CHD8: variants seen among roughly 807,000 people sequenced by gnomAD.
CHD8 encodes chromodomain helicase DNA binding protein 8.
In CHD8, 31 loss-of-function variants were observed where a neutral mutation model predicts 279.2. The ratio of observed to expected loss-of-function variants is 0.11; its 90% CI spans 0.08 to 0.15. The LOEUF (loss-of-function observed/expected upper bound fraction) is 0.15, where lower values mean the gene tolerates loss of function less well. CHD8 is among the 10% of genes least tolerant of loss of function. The probability of loss-of-function intolerance (pLI) is 1.00; values close to 1 mark genes in which losing one functional copy is unlikely to be tolerated. For missense variants in CHD8, 2,146 were observed against 3,230.5 expected (o/e 0.66, Z 8.14); for synonymous variants, 1,081 against 1,139.6 (o/e 0.95, Z 1.04).
chr14:21,452,970 G>C lies in CHD8; in HGVS notation c.-216+3062C>G, dbSNP rs61973194. Among the ~76,000 whole-genome samples the C allele has an allele frequency of 1.3e-5, 2 of 149,402 alleles. 1 individual carries two copies. The highest frequency in any genetic ancestry group is 5.0e-5 in the African/African-American group (2 of 39,842). ...TGCATTCCTGCCTGGGTGACACAGCGAGACTCCATCTCAAAAAAAAAAAAA... is the reference window on the plus strand; with the variant it reads ...TGCATTCCTGCCTGGGTGACACAGCCAGACTCCATCTCAAAAAAAAAAAAA... On this transcript the variant is annotated intron_variant, in intron 1 of 37. Coordinates refer to ENST00000646647, the MANE Select transcript of CHD8 (RefSeq NM_001170629.2).
At chr14:21,409,808 A>G (rs1423523020) in intron 11 of CHD8, 43 bp downstream of exon 11, 2 of 1,538,616 alleles carry the variant, frequency 1.3e-6, no homozygotes, top group Non-Finnish European at 8.8e-7. Context: ...AAATTTAATC[A>G]TTTCTTATGT....
rs1887181497 is a variant in CHD8, at chr14:21,385,452, T to C, written c.*161A>G. 5.0e-6 allele frequency: 6 copies of C among 1,188,838 alleles called. No individual in the cohort carries two copies. Among genetic ancestry groups the C allele is most frequent in the Admixed American group, 5.9e-5 (2 of 34,016 alleles). 73.6% of individuals were successfully genotyped at this position (1,188,838 alleles called of 1,614,324 possible). A position where few individuals can be genotyped will look rare whatever the true frequency, so the allele number is the denominator to read the frequency against. On this transcript the variant is annotated 3_prime_UTR_variant, in exon 38 of 38. Transcript: ENST00000646647. ...CCCTGCCCACCCAATCCTCTCATAATTGGGAGCAATCAGGTACATTTTTTT... is the reference window on the plus strand; with the variant it reads ...CCCTGCCCACCCAATCCTCTCATAACTGGGAGCAATCAGGTACATTTTTTT...
chr14:21,437,440 G>A lies in CHD8; in HGVS notation c.-215-5582C>T, dbSNP rs1046700937. Reference sequence around the variant, plus strand: ...CGGAGAGGCCTATCCGGTTTCTAGGGCCGAGGCGAAGCCTGCAGCTTGCTT... The same window carrying A: ...CGGAGAGGCCTATCCGGTTTCTAGGACCGAGGCGAAGCCTGCAGCTTGCTT... On this transcript the variant is annotated intron_variant, in intron 1 of 37. Coordinates refer to ENST00000646647, the MANE Select transcript of CHD8 (RefSeq NM_001170629.2). 3 of 198,518 alleles carry A rather than the reference G, an allele frequency of 1.5e-5. No homozygotes were observed. The Admixed American group carries it at 1.7e-4, about 11-fold the overall frequency. 12.3% of individuals were successfully genotyped at this position (198,518 alleles called of 1,614,324 possible). A position where few individuals can be genotyped will look rare whatever the true frequency, so the allele number is the denominator to read the frequency against.
chr14:21,448,538 T>C (rs1397398505), intron 1 of CHD8, among the ~76,000 whole-genome samples: 2 of 152,098 alleles, frequency 1.3e-5, no homozygotes. Context: ...CAAAGACAGT[T>C]TGCACACAGG....
chr14:21,414,911 G>C, intron 8 of CHD8, 27 bp downstream of exon 8: 2 of 1,581,252 alleles, frequency 1.3e-6, no homozygotes, highest in Non-Finnish European at 1.7e-6. Flanking sequence ...AATTTGGGGT[G>C]ACAAGCTTTT....
chr14:21,439,064 G>A (rs1889890955), intron 1 of CHD8, among the ~76,000 whole-genome samples: 2 of 150,744 alleles, frequency 1.3e-5, no homozygotes, highest in Non-Finnish European at 3.0e-5. Flanking sequence ...CAGGTGGAGG[G>A]TGCAGTGAGC....
chr14:21,413,191 C>T (rs1313596775), intron 9 of CHD8, among the ~76,000 whole-genome samples, 195 bp from the exon 10 acceptor site: 1 of 152,174 alleles, frequency 6.6e-6, no homozygotes, highest in African/African-American at 2.4e-5. Context: ...TTCTCACCTG[C>T]TACCAGTGAG....
In CHD8 at chr14:21,405,446, T is replaced by G; in HGVS notation, c.3070A>C (p.Ile1024Leu). The G allele has an allele frequency of 1.9e-6, 3 of 1,602,548 alleles. No individual in the cohort carries two copies. Among genetic ancestry groups the G allele is most frequent in the Non-Finnish European group, 2.6e-6 (3 of 1,173,872 alleles). ...TEEQVQKLQA[I>L]LKPMMLRRLK... ...CTTCTCAGCATCATTGGCTTAAGAA[T>G]GGCCTGTAGCTTTTGAACCTGTGGT... Residue 1024 changes from isoleucine (I) to leucine (L), a missense_variant, in exon 16 of 38, where the codon ATT (isoleucine) becomes CTT (leucine). By Grantham distance (5) the Ile-to-Leu change is conservative. Coordinates refer to ENST00000646647, the MANE Select transcript of CHD8 (RefSeq NM_001170629.2). The surrounding 1 kb of genome is among the most constrained non-coding windows in gnomAD (Gnocchi z 4.2).
chr14:21,438,783 C>T (rs1258594002), intron 1 of CHD8, among the ~76,000 whole-genome samples: 1 of 151,610 alleles, frequency 6.6e-6, no homozygotes, highest in Admixed American at 6.6e-5. Context: ...GAGCCAAGAT[C>T]ACCCCACTGC....
At chr14:21,387,172 G>C (rs371788708) in intron 37 of CHD8, among the ~76,000 whole-genome samples, 10 of 152,324 alleles carry the variant, frequency 6.6e-5, no homozygotes, top group African/African-American at 2.2e-4. Context: ...CGTAGTGCTA[G>C]ATTCACTGTC....
In CHD8 at chr14:21,408,206, T is replaced by C. The variant is rs115057140; in HGVS notation, c.2730+106A>G. 2,231 of 1,368,802 alleles carry C rather than the reference T, an allele frequency of 1.6e-3. 23 individuals carry two copies. The African/African-American group carries it at 0.025, about 15-fold the overall frequency. The allele number at this position is 1,368,802 out of a possible 1,614,324, so 84.8% of individuals were successfully genotyped here. On this transcript the variant is annotated intron_variant, in intron 13 of 37. Coordinates refer to ENST00000646647, the MANE Select transcript of CHD8 (RefSeq NM_001170629.2). The surrounding 1 kb of genome is among the most constrained non-coding windows in gnomAD (Gnocchi z 4.3). ...CCATAGGCATTTTTGCATAGGCATA[T>C]TGAAGACTTTCAATAAAAGTCTTCT...
chr14:21,429,009 T>G lies in CHD8; in HGVS notation c.1170A>C (p.Pro390=), dbSNP rs1452517724. ...TGACTGGTACTGAAAGTCTTTGTCC[T>G]GGGCTTTGTCCTGGTCCCATTATCT... ...QAQIMGPGQS[P]GQRLSVPVKV... Residue 390 remains proline (P), a synonymous_variant, in exon 3 of 38, where the codon CCA becomes CCC. Transcript: ENST00000646647. 12 of 1,613,982 alleles carry G rather than the reference T, an allele frequency of 7.4e-6. No individual in the cohort carries two copies. Among genetic ancestry groups the G allele is most frequent in the Non-Finnish European group, 1.0e-5 (12 of 1,179,854 alleles).
In CHD8 at chr14:21,408,811, T is replaced by G; in HGVS notation, c.2379A>C (p.Ala793=). The part of the protein sequence containing the change: ...PELKRVNRPQ[A]SAWKKLELSH... ...ATAGCTCCAATTTCTTCCAGGCACTTGCCTGCGGACGATTCTAAAAAACAA... is the reference window on the plus strand; with the variant it reads ...ATAGCTCCAATTTCTTCCAGGCACTGGCCTGCGGACGATTCTAAAAAACAA... The change falls in exon 12 of 38, where the codon GCA becomes GCC. Residue 793 remains alanine, a synonymous_variant. Coordinates refer to ENST00000646647, the MANE Select transcript of CHD8 (RefSeq NM_001170629.2). The surrounding 1 kb of genome is among the most constrained non-coding windows in gnomAD (Gnocchi z 4.3). 6.2e-7 allele frequency: 1 copy of G among 1,608,898 alleles called. No individual in the cohort carries two copies. The highest frequency in any genetic ancestry group is 8.5e-7 in the Non-Finnish European group (1 of 1,177,316).
intron 8 of CHD8, 58 bp downstream of exon 8, chr14:21,414,880 G>T: frequency 3.0e-6 from 4 of 1,335,684 alleles, no homozygotes; most frequent in South Asian, 1.2e-5. Flanking sequence ...ATACCCAGGA[G>T]AACTTTTTAC....
rs764423155 is a variant in CHD8, at chr14:21,415,659, A to G, written c.1900-17T>C. Reference sequence around the variant, plus strand: ...GGGATTCTCCTGCAGCAAAAGATGCAGTCAGTCAACAGATGATTGTGACCA... The same window carrying G: ...GGGATTCTCCTGCAGCAAAAGATGCGGTCAGTCAACAGATGATTGTGACCA... On this transcript the variant is annotated splice_polypyrimidine_tract_variant and intron_variant, in intron 6 of 37. Coordinates refer to ENST00000646647, the MANE Select transcript of CHD8 (RefSeq NM_001170629.2). The G allele has an allele frequency of 3.7e-6, 6 of 1,611,188 alleles. No homozygotes were observed. The East Asian group carries it at 1.1e-4, about 30-fold the overall frequency.
chr14:21,450,508 A>G (rs1208035559), intron 1 of CHD8, among the ~76,000 whole-genome samples: 3 of 152,086 alleles, frequency 2.0e-5, no homozygotes, highest in Non-Finnish European at 4.4e-5. Flanking sequence ...CTCTCAGCTG[A>G]GCACTGTGAT....
intron 1 of CHD8, chr14:21,437,230 CTG>C (rs763769655): frequency 5.3e-5 from 63 of 1,185,764 alleles, no homozygotes; most frequent in Non-Finnish European, 6.4e-5. Context: ...GCCCCTCTCC[CTG>C]TCTCTCCAGC....
intron 1 of CHD8, among the ~76,000 whole-genome samples, chr14:21,455,789 A>T (rs1213458202): frequency 1.3e-5 from 2 of 151,920 alleles, no homozygotes; most frequent in African/African-American, 4.8e-5. Flanking sequence ...CGTCCCAAGC[A>T]GTCCCTCGCG....
intron 37 of CHD8, among the ~76,000 whole-genome samples, 189 bp downstream of exon 37, chr14:21,390,758 G>C (rs1165204084): frequency 7.0e-5 from 8 of 113,562 alleles, no homozygotes; most frequent in African/African-American, 2.5e-4. Context: ...AGCAGAGTGA[G>C]ACTCCGTCTC....
Sources: gnomAD v4.1 joint callset for allele counts (sites outside exome capture counted in the v4.1 genomes callset) on GRCh38, gnomAD v4.1.1 for gene constraint, Gnocchi (gnomAD v3.1) non-coding constraint, MANE v1.5 for transcripts, NCBI Gene and HGNC (gene_info 2026-07-23, HGNC 2026-07-21) for gene names.